The following USP4 variants were observed in gnomAD, a reference collection of about 807,000 sequenced individuals.
USP4 encodes ubiquitin specific peptidase 4.
A neutral mutation model predicts 118.2 loss-of-function variants in USP4; 72 were observed. The observed-to-expected ratio is 0.61, with a 90% CI of 0.50 to 0.74. The LOEUF is 0.74. Ranked by LOEUF, USP4 falls within the 30% of genes least tolerant of loss-of-function variation. The pLI, the probability that USP4 is intolerant of heterozygous loss-of-function variation, is 0.00. For synonymous variants in USP4, 415 were observed against 440.4 expected (o/e 0.94, Z 0.72); for missense variants, 1,037 against 1,185.7 (o/e 0.87, Z 1.84).
chr3:49,277,267 T>A lies in USP4; in HGVS notation c.*1026A>T. 1 of 1,284,498 alleles carries A rather than the reference T, an allele frequency of 7.8e-7. No individual in the cohort carries two copies. Among genetic ancestry groups the A allele is most frequent in the Non-Finnish European group, 1.0e-6 (1 of 984,070 alleles). 79.6% of individuals were successfully genotyped at this position (1,284,498 alleles called of 1,614,324 possible). A position where few individuals can be genotyped will look rare whatever the true frequency, so the allele number is the denominator to read the frequency against. The stretch of plus-strand genomic sequence containing the variant: ...AGGCCCCAAACCCCCACGGATTAGG[T>A]TGAAGGTCAGACAAAAAATCCCGGA... On this transcript the variant is annotated 3_prime_UTR_variant, in exon 22 of 22. Transcript: ENST00000265560.
At chr3:49,328,473 T>C (rs1203351544) in intron 2 of USP4, among the ~76,000 whole-genome samples, 5 of 152,202 alleles carry the variant, frequency 3.3e-5, no homozygotes, top group Non-Finnish European at 7.3e-5. Flanking sequence ...GCTCATAACA[T>C]CTTCACCAGA....
intron 11 of USP4, 115 bp from the exon 12 acceptor site, chr3:49,298,750 G>A: frequency 1.1e-6 from 1 of 894,172 alleles, no homozygotes; most frequent in Non-Finnish European, 1.9e-6. Context: ...AATGTATGGT[G>A]AGGTCAGGGT....
chr3:49,298,019 ACTG>A, intron 12 of USP4, 55 bp from the exon 13 acceptor site: 2 of 1,121,364 alleles, frequency 1.8e-6, no homozygotes, highest in Non-Finnish European at 2.7e-6. Context: ...GCCCCTACTA[ACTG>A]CTTAAAACCC....
intron 9 of USP4, among the ~76,000 whole-genome samples, chr3:49,304,824 C>T (rs1388541876): frequency 7.9e-5 from 12 of 151,816 alleles, no homozygotes; most frequent in African/African-American, 1.7e-4. Context: ...AGTGCAGTGG[C>T]GTGATCTCGG....
intron 6 of USP4, chr3:49,312,045 C>T (rs967714351): frequency 3.8e-5 from 11 of 287,120 alleles, no homozygotes; most frequent in South Asian, 6.9e-5. Context: ...TTAGCCAGGT[C>T]GCGCGTGGTG....
intron 6 of USP4, among the ~76,000 whole-genome samples, chr3:49,317,939 G>T (rs1248548015): frequency 4.0e-5 from 6 of 151,868 alleles, no homozygotes; most frequent in Non-Finnish European, 5.9e-5. Flanking sequence ...GGGTTTAAGC[G>T]AGTCTCTTGC....
At position 49,277,538 on chromosome 3, in the gene USP4, G is replaced by A. The variant is rs1258736287; in HGVS notation, c.*755C>T. 4.8e-6 allele frequency: 1 copy of A among 210,078 alleles called. No homozygotes were observed. Among genetic ancestry groups the A allele is most frequent in the African/African-American group, 2.4e-5 (1 of 42,348 alleles). 13.0% of individuals were successfully genotyped at this position (210,078 alleles called of 1,614,324 possible). On this transcript the variant is annotated 3_prime_UTR_variant, in exon 22 of 22. Coordinates refer to ENST00000265560, the MANE Select transcript of USP4 (RefSeq NM_003363.4). Reference sequence around the variant, plus strand: ...TCTCAAGCCAACATGGAAACAACTAGACGGGACACAGCACCGGGCAGTTTT... The same window carrying A: ...TCTCAAGCCAACATGGAAACAACTAAACGGGACACAGCACCGGGCAGTTTT...
intron 13 of USP4, among the ~76,000 whole-genome samples, chr3:49,296,522 G>A (rs573333870): frequency 2.0e-5 from 3 of 151,756 alleles, no homozygotes; most frequent in Non-Finnish European, 4.4e-5. Context: ...GGTGGCGGGT[G>A]CCTGTAGTCC....
At chr3:49,321,872 G>GC in intron 6 of USP4, among the ~76,000 whole-genome samples, 1 of 152,022 alleles carries the variant, frequency 6.6e-6, no homozygotes, top group Non-Finnish European at 1.5e-5. Context: ...GCATGCACCT[G>GC]TAATCCCAGC....
rs376293415 is a variant in USP4 at position 49,298,046 on chromosome 3, A to T, written c.1597-82T>A. On this transcript the variant is annotated intron_variant, in intron 12 of 21. Coordinates refer to ENST00000265560, the MANE Select transcript of USP4 (RefSeq NM_003363.4). ...TGCTTAAAACCCAGAAACAAATGAA[A>T]AAAAAAATACTCATACTCAAATGTT... is the stretch of plus-strand genomic sequence containing the variant. 2,197 of 916,012 alleles carry T rather than the reference A, an allele frequency of 2.4e-3. 67 individuals are homozygous for T. The South Asian group carries it at 0.03, about 13-fold the overall frequency. The allele number at this position is 916,012 out of a possible 1,614,324, so 56.7% of individuals were successfully genotyped here. A position where few individuals can be genotyped will look rare whatever the true frequency, so the allele number is the denominator to read the frequency against.
At chr3:49,303,670 T>TC (rs1469153785) in intron 9 of USP4, among the ~76,000 whole-genome samples, 2 of 152,128 alleles carry the variant, frequency 1.3e-5, no homozygotes, top group Non-Finnish European at 2.9e-5. Context: ...CTGAGGAAGC[T>TC]CCACACTTCC....
chr3:49,285,949 A>T, intron 16 of USP4, 149 bp downstream of exon 16: 1 of 706,720 alleles, frequency 1.4e-6, no homozygotes, highest in Non-Finnish European at 2.4e-6. Flanking sequence ...AACAGTCCTT[A>T]GGGGGCTTCA....
intron 15 of USP4, among the ~76,000 whole-genome samples, chr3:49,291,244 G>A (rs1468355642): frequency 6.7e-6 from 1 of 148,844 alleles, no homozygotes; most frequent in Non-Finnish European, 1.5e-5. Context: ...GATTACAGGT[G>A]TGAGTCACCG....
intron 6 of USP4, chr3:49,317,088 G>A (rs1489581714): frequency 1.5e-6 from 2 of 1,309,528 alleles, no homozygotes. Flanking sequence ...CTGGTCAGCT[G>A]TCCCTGCCAC....
At chr3:49,320,259 A>G (rs2047484400) in intron 6 of USP4, among the ~76,000 whole-genome samples, 1 of 151,850 alleles carries the variant, frequency 6.6e-6, no homozygotes, top group Admixed American at 6.6e-5. Context: ...CCTGACCAAC[A>G]TGGAGAAACC....
At chr3:49,281,974 G>A (rs1295486858) in intron 19 of USP4, among the ~76,000 whole-genome samples, 1 of 151,814 alleles carries the variant, frequency 6.6e-6, no homozygotes, top group Non-Finnish European at 1.5e-5. Context: ...TCGCACCACT[G>A]CACTCTGGCC....
chr3:49,333,427 T>C (rs977463379), intron 2 of USP4, among the ~76,000 whole-genome samples: 1 of 152,200 alleles, frequency 6.6e-6, no homozygotes, highest in Non-Finnish European at 1.5e-5. Context: ...TGGCTAGCTA[T>C]ATGGCACAAG....
chr3:49,335,838 T>C (rs1444630803), intron 1 of USP4, among the ~76,000 whole-genome samples: 1 of 152,172 alleles, frequency 6.6e-6, no homozygotes, highest in African/African-American at 2.4e-5. Flanking sequence ...AAACAAGTGG[T>C]TTCAAAATGC....
At chr3:49,319,701 C>A (rs1441416980) in intron 6 of USP4, among the ~76,000 whole-genome samples, 6 of 151,934 alleles carry the variant, frequency 3.9e-5, no homozygotes, top group Admixed American at 3.9e-4. Flanking sequence ...ACAACCTCCA[C>A]CTCCTGAGTT....
Sources: gnomAD v4.1 joint callset for allele counts (sites outside exome capture counted in the v4.1 genomes callset) on GRCh38, gnomAD v4.1.1 for gene constraint, MANE v1.5 for transcripts, NCBI Gene and HGNC (gene_info 2026-07-23, HGNC 2026-07-21) for gene names.